The following ABCF1 variants were observed in gnomAD, a reference collection of about 807,000 sequenced individuals.
ABCF1 encodes ATP-binding cassette sub-family F member 1.
ABCF1 carries 73 observed loss-of-function variants against 126.3 expected under a neutral mutation model. That is an observed-to-expected ratio of 0.58 (90% confidence interval 0.48 to 0.70). The LOEUF (loss-of-function observed/expected upper bound fraction) is 0.70. Among genes scored for constraint, ABCF1 ranks in the 30% least tolerant of loss-of-function variants. ABCF1 has a pLI of 0.00. For missense variants in ABCF1, 786 were observed against 1,057.5 expected (o/e 0.74, Z 3.56); for synonymous variants, 345 against 396.4 (o/e 0.87, Z 1.54).
Position 30,585,904 on chromosome 6 carries a change from G to C in ABCF1, c.1626G>C (p.Gln542His). ...NYMTFKKMYQ[Q>H]KQKELLKQYE... ...TGACCTTCAAAAAGATGTACCAGCA[G>C]AAGCAGAAAGAACTGCTGAAACAGT... Residue 542 changes from glutamine (Q) to histidine (H), a missense_variant, in exon 17 of 25, where the codon CAG (glutamine) becomes CAC (histidine). Physicochemically the swap from Gln to His is conservative, Grantham distance 24. Transcript: ENST00000326195. 2 of 1,608,144 alleles carry C rather than the reference G, an allele frequency of 1.2e-6. No homozygotes were observed. Among genetic ancestry groups the C allele is most frequent in the South Asian group, 2.2e-5 (2 of 90,406 alleles).
At position 30,578,171 on chromosome 6, in the gene ABCF1, C is replaced by A; in HGVS notation, c.312C>A (p.Leu104=). ...EKELMERLKK[L]SVPTSDEEDE... ...AGCTCATGGAGCGTCTTAAGAAGCTCTCAGTGCCAACCAGTGATGAGGAGG... is the reference window on the plus strand; with the variant it reads ...AGCTCATGGAGCGTCTTAAGAAGCTATCAGTGCCAACCAGTGATGAGGAGG... The change falls in exon 4 of 25, where the codon CTC becomes CTA. Residue 104 remains leucine, a synonymous_variant. Coordinates refer to ENST00000326195, the MANE Select transcript of ABCF1 (RefSeq NM_001025091.2). 6.2e-7 allele frequency: 1 copy of A among 1,614,018 alleles called. No individual in the cohort carries two copies. Among genetic ancestry groups the A allele is most frequent in the Non-Finnish European group, 8.5e-7 (1 of 1,180,006 alleles).
intron 6 of ABCF1, 104 bp downstream of exon 6, chr6:30,578,681 C>A: frequency 9.8e-7 from 1 of 1,023,630 alleles, no homozygotes; most frequent in African/African-American, 1.6e-5. Context: ...GTCTGTCTTA[C>A]TTATACTGTT....
chr6:30,577,967 C>A, intron 3 of ABCF1, 54 bp downstream of exon 3: 7 of 1,613,210 alleles, frequency 4.3e-6, no homozygotes, highest in Non-Finnish European at 4.2e-6. Flanking sequence ...TTCCACCAAC[C>A]CCTTTCCAGC....
At chr6:30,572,800 C>T (rs748156617) in intron 1 of ABCF1, among the ~76,000 whole-genome samples, 52 of 152,196 alleles carry the variant, frequency 3.4e-4, no homozygotes, top group African/African-American at 1.1e-3. Context: ...TACATCTGCT[C>T]CCCAGAGTTT....
intron 1 of ABCF1, 58 bp from the exon 2 acceptor site, chr6:30,577,351 G>T: frequency 6.4e-7 from 1 of 1,557,860 alleles, no homozygotes; most frequent in Non-Finnish European, 8.8e-7. Context: ...TTGCAGGGGG[G>T]ATCAGACTGC....
chr6:30,582,336 G>A lies in ABCF1; in HGVS notation c.679-58G>A, dbSNP rs530231112. 13 of 1,126,654 alleles carry A rather than the reference G, an allele frequency of 1.2e-5. 1 individual carries two copies. The highest frequency in any genetic ancestry group is 9.3e-5 in the African/African-American group (6 of 64,224). 69.8% of individuals were successfully genotyped at this position (1,126,654 alleles called of 1,614,324 possible). A position where few individuals can be genotyped will look rare whatever the true frequency, so the allele number is the denominator to read the frequency against. ...TTCCCAAAGTGCTGGGATTACAGGC[G>A]TGAGCCACCGCGCCCAGCCAGGAGT... is the stretch of plus-strand genomic sequence containing the variant. On this transcript the variant is annotated intron_variant, in intron 8 of 24. Coordinates refer to ENST00000326195, the MANE Select transcript of ABCF1 (RefSeq NM_001025091.2).
Position 30,589,685 on chromosome 6 carries a change from C to T in ABCF1, c.2032-3C>T, listed in dbSNP as rs1403860941. 1.2e-6 allele frequency: 2 copies of T among 1,613,942 alleles called. No individual in the cohort carries two copies. Among genetic ancestry groups the T allele is most frequent in the South Asian group, 2.2e-5 (2 of 91,088 alleles). ...CTCTTAACTACTTTGTCTTCCCTTG[C>T]AGACCCATGGGGAAATGAGAAAGAA... is the stretch of plus-strand genomic sequence containing the variant. On this transcript the variant is annotated splice_region_variant and splice_polypyrimidine_tract_variant and intron_variant, in intron 20 of 24. Coordinates refer to ENST00000326195, the MANE Select transcript of ABCF1 (RefSeq NM_001025091.2).
In ABCF1 at chr6:30,584,683, C is replaced by A; in HGVS notation, c.1391+117C>A. 1 of 1,336,106 alleles carries A rather than the reference C, an allele frequency of 7.5e-7. No individual in the cohort carries two copies. The highest frequency in any genetic ancestry group is 1.0e-6 in the Non-Finnish European group (1 of 990,400). 82.8% of individuals were successfully genotyped at this position (1,336,106 alleles called of 1,614,324 possible). On this transcript the variant is annotated intron_variant, in intron 14 of 24. Transcript: ENST00000326195. The surrounding 1 kb of genome is among the most constrained non-coding windows in gnomAD (Gnocchi z 4.6). ...GAGGCTCAAGGCTTACCTCTCCCTCCTTACTATCTGTGTTGTGAGAACTTA... is the reference window on the plus strand; with the variant it reads ...GAGGCTCAAGGCTTACCTCTCCCTCATTACTATCTGTGTTGTGAGAACTTA...
chr6:30,584,118 A>G lies in ABCF1; in HGVS notation c.1103-74A>G. 6.4e-7 allele frequency: 1 copy of G among 1,554,938 alleles called. No individual in the cohort carries two copies. The highest frequency in any genetic ancestry group is 8.7e-7 in the Non-Finnish European group (1 of 1,153,766). ...CTGGGCAGGGTCAGGCAAAACAGAA[A>G]TGTAATTGAAGGGAAAGAAAGATGA... On this transcript the variant is annotated intron_variant, in intron 12 of 24. Coordinates refer to ENST00000326195, the MANE Select transcript of ABCF1 (RefSeq NM_001025091.2). The surrounding 1 kb of genome is among the most constrained non-coding windows in gnomAD (Gnocchi z 4.6).
intron 8 of ABCF1, among the ~76,000 whole-genome samples, chr6:30,580,984 T>C (rs1801787562): frequency 6.6e-6 from 1 of 152,134 alleles, no homozygotes; most frequent in Non-Finnish European, 1.5e-5. Flanking sequence ...CAGCAAACTT[T>C]TTCTATAAAG....
chr6:30,583,743 C>T lies in ABCF1; in HGVS notation c.1016+35C>T. ...GGAGGGAGCTGGAGGCAAAAAAGGG[C>T]CTGGAGGGAAAAGAAGAGATTTCTC... On this transcript the variant is annotated intron_variant, in intron 11 of 24. Transcript: ENST00000326195. The surrounding 1 kb of genome is among the most constrained non-coding windows in gnomAD (Gnocchi z 4.1). The T allele has an allele frequency of 6.2e-7, 1 of 1,613,310 alleles. No individual in the cohort carries two copies. The highest frequency in any genetic ancestry group is 1.1e-5 in the South Asian group (1 of 91,058).
rs1801584677 is a variant in ABCF1, at chr6:30,577,857, G to A, written c.160G>A (p.Glu54Lys). The A allele has an allele frequency of 6.2e-7, 1 of 1,614,010 alleles. No homozygotes were observed. The highest frequency in any genetic ancestry group is 8.5e-7 in the Non-Finnish European group (1 of 1,180,020). ...ELAVEDKQAG[E>K]EEKVLKEKEQ... ...GGCAGTAGAAGATAAACAGGCTGGG[G>A]AAGAAGAGAAAGTGCTCAAGGAGAA... Residue 54 changes from glutamate (E) to lysine (K), a missense_variant, in exon 3 of 25, where the codon GAA becomes AAA. Physicochemically the swap from Glu to Lys is moderately conservative, Grantham distance 56. Coordinates refer to ENST00000326195, the MANE Select transcript of ABCF1 (RefSeq NM_001025091.2).
At chr6:30,571,768 C>G (rs1029714779) in intron 1 of ABCF1, among the ~76,000 whole-genome samples, 1 of 151,972 alleles carries the variant, frequency 6.6e-6, no homozygotes, top group Non-Finnish European at 1.5e-5. Context: ...TCGCACGTGA[C>G]CTAAGTGAGA....
chr6:30,578,442 T>C, intron 5 of ABCF1, 28 bp from the exon 6 acceptor site: 7 of 1,614,086 alleles, frequency 4.3e-6, no homozygotes, highest in Non-Finnish European at 5.9e-6. Context: ...ACCATCCTAC[T>C]GACTTCTGTG....
In ABCF1 at chr6:30,585,347, C is replaced by T. The variant is rs556028518; in HGVS notation, c.1475+4C>T. 2.6e-4 allele frequency: 426 copies of T among 1,612,528 alleles called. 7 individuals are homozygous for T. In the South Asian group the frequency reaches 4.4e-3, roughly 17 times the overall value. On this transcript the variant is annotated splice_donor_region_variant and intron_variant, in intron 15 of 24. Transcript: ENST00000326195. ...ACGCTGTCATCTGGCTTAATAAGTG[C>T]GTTACGGCCTTTGCATCATTGGTTC...
intron 20 of ABCF1, among the ~76,000 whole-genome samples, chr6:30,588,885 C>T (rs1398820760): frequency 1.3e-5 from 2 of 152,132 alleles, no homozygotes; most frequent in African/African-American, 4.8e-5. Context: ...AGCAGGTGTT[C>T]TTTGGCTGTG....
rs1332341481 is a variant in ABCF1 at position 30,584,401 on chromosome 6, C to T, written c.1243-17C>T. 1.2e-6 allele frequency: 2 copies of T among 1,613,084 alleles called. No individual in the cohort carries two copies. Among genetic ancestry groups the T allele is most frequent in the South Asian group, 1.1e-5 (1 of 91,086 alleles). On this transcript the variant is annotated splice_polypyrimidine_tract_variant and intron_variant, in intron 13 of 24. Coordinates refer to ENST00000326195, the MANE Select transcript of ABCF1 (RefSeq NM_001025091.2). The surrounding 1 kb of genome is among the most constrained non-coding windows in gnomAD (Gnocchi z 4.6). Reference sequence around the variant, plus strand: ...CCTGGGACCCTCAGACGTGTGTCCTCTTCTCCCTCCTCCCAGGTGTATGAG... The same window carrying T: ...CCTGGGACCCTCAGACGTGTGTCCTTTTCTCCCTCCTCCCAGGTGTATGAG...
chr6:30,575,325 C>T (rs1011034291), intron 1 of ABCF1, among the ~76,000 whole-genome samples: 1 of 151,714 alleles, frequency 6.6e-6, no homozygotes, highest in Non-Finnish European at 1.5e-5. Context: ...ACCTTGGCCT[C>T]CCAATGTGCT....
Position 30,583,143 on chromosome 6 carries a change from G to C in ABCF1, c.870G>C (p.Glu290Asp), listed in dbSNP as rs1229865804. 1.9e-6 allele frequency: 3 copies of C among 1,611,336 alleles called. No homozygotes were observed. Among genetic ancestry groups the C allele is most frequent in the Non-Finnish European group, 2.5e-6 (3 of 1,178,660 alleles). The stretch of plus-strand genomic sequence containing the variant: ...ATGACTTCTCCGTGTCCCAGGCGGA[G>C]ATGTCCTCCCGCCAAGCCATGTTAG... ...AENDFSVSQA[E>D]MSSRQAMLEN... is the part of the protein sequence containing the mutation. The change falls in exon 10 of 25, where the codon GAG becomes GAC. Residue 290 changes from glutamate (E) to aspartate (D), a missense_variant. Transcript: ENST00000326195. This position sits in a 1 kb window ranked among gnomAD's most constrained non-coding sequence, Gnocchi z 4.1.
Sources: allele counts gnomAD v4.1 joint callset (sites outside exome capture counted in the v4.1 genomes callset), GRCh38; gene constraint gnomAD v4.1.1; non-coding constraint Gnocchi (gnomAD v3.1); transcripts MANE v1.5; gene names NCBI Gene and HGNC (gene_info 2026-07-23, HGNC 2026-07-21).